Variants in UNC79 observed in about 807,000 individuals in gnomAD.
The protein encoded by UNC79 is unc-79 subunit of NALCN channel complex.
UNC79 carries 37 observed loss-of-function variants against 283.1 expected under a neutral mutation model. The ratio of observed to expected loss-of-function variants is 0.13; its 90% confidence interval spans 0.10 to 0.17. UNC79 has a LOEUF of 0.17. UNC79 is among the 10% of genes least tolerant of loss of function. UNC79 has a pLI of 1.00. For missense variants in UNC79, 2,272 were observed against 3,211.1 expected (o/e 0.71, Z 7.07); for synonymous variants, 1,107 against 1,200.2 (o/e 0.92, Z 1.61).
chr14:93,438,457 T>A (rs552917911), intron 1 of UNC79, among the ~76,000 whole-genome samples: 1 of 152,218 alleles, frequency 6.6e-6, no homozygotes, highest in Admixed American at 6.5e-5. Context: ...CCTGTCTAGA[T>A]CTCTAAAAAA....
In UNC79 at chr14:93,575,051, T is replaced by C. The variant is rs1555358911; in HGVS notation, c.2071-7T>C. 1.3e-6 allele frequency: 2 copies of C among 1,593,966 alleles called. No individual in the cohort carries two copies. The highest frequency in any genetic ancestry group is 1.7e-6 in the Non-Finnish European group (2 of 1,172,092). The stretch of plus-strand genomic sequence containing the variant: ...TTTTTTGGGGGATATATGCCTTTTT[T>C]CCCTAGGTATTATCGGAGTTAGATA... On this transcript the variant is annotated splice_region_variant and splice_polypyrimidine_tract_variant and intron_variant, in intron 16 of 48. Transcript: ENST00000555664.
intron 48 of UNC79, among the ~76,000 whole-genome samples, chr14:93,705,402 T>C (rs2075813668): frequency 7.0e-6 from 1 of 143,306 alleles, no homozygotes; most frequent in Non-Finnish European, 1.5e-5. Flanking sequence ...CCTTGGAGGA[T>C]ACCTAGGCAC....
At position 93,688,903 on chromosome 14, in the gene UNC79, C is replaced by T. The variant is rs1234088486; in HGVS notation, c.7085+63C>T. On this transcript the variant is annotated intron_variant, in intron 44 of 48. Transcript: ENST00000555664. This position sits in a 1 kb window ranked among gnomAD's most constrained non-coding sequence, Gnocchi z 4.0. Reference sequence around the variant, plus strand: ...GGCAGGAGACACCCCTGAGTTTCCTCGGGCTCAGCTAGAGTTAAGGAGTAC... The same window carrying T: ...GGCAGGAGACACCCCTGAGTTTCCTTGGGCTCAGCTAGAGTTAAGGAGTAC... 2.9e-5 allele frequency: 45 copies of T among 1,554,604 alleles called. No homozygotes were observed. The highest frequency in any genetic ancestry group is 2.2e-4 in the Middle Eastern group (1 of 4,624).
chr14:93,575,708 A>G (rs879608582), intron 17 of UNC79, among the ~76,000 whole-genome samples: 9 of 152,204 alleles, frequency 5.9e-5, no homozygotes, highest in Non-Finnish European at 8.8e-5. Context: ...AGTCTGGTCT[A>G]AAGTGTATAC....
intron 45 of UNC79, 72 bp from the exon 49 acceptor site, chr14:93,691,677 T>C (rs955023035): frequency 1.3e-6 from 2 of 1,553,720 alleles, no homozygotes; most frequent in Non-Finnish European, 8.9e-7. Context: ...ACCAAAGCCA[T>C]GCGGGAGGAC....
At chr14:93,463,451 G>T (rs2057035580) in intron 1 of UNC79, among the ~76,000 whole-genome samples, 1 of 152,178 alleles carries the variant, frequency 6.6e-6, no homozygotes, top group African/African-American at 2.4e-5. Flanking sequence ...GGAAAGGCAG[G>T]AGAGAGGTTT....
intron 1 of UNC79, among the ~76,000 whole-genome samples, chr14:93,443,254 A>C (rs1230604671): frequency 6.8e-6 from 1 of 146,524 alleles, no homozygotes; most frequent in Non-Finnish European, 1.5e-5. Flanking sequence ...TAAATAAATA[A>C]ATACCCTTAT....
intron 1 of UNC79, among the ~76,000 whole-genome samples, chr14:93,421,070 C>A (rs1267742176): frequency 6.6e-6 from 1 of 151,172 alleles, no homozygotes; most frequent in Non-Finnish European, 1.5e-5. Context: ...TCAAACCAAA[C>A]CCAAAATTTT....
At chr14:93,340,682 C>G (rs114775603) in intron 1 of UNC79, among the ~76,000 whole-genome samples, 1,928 of 151,922 alleles carry the variant, frequency 0.013, 48 homozygotes, top group African/African-American at 0.044. Flanking sequence ...GATGATTCTC[C>G]CAACTCAGCC....
rs1237559280 is a variant in UNC79 at position 93,653,940 on chromosome 14, A to G, written c.6197A>G (p.Asp2066Gly). 6.2e-7 allele frequency: 1 copy of G among 1,613,978 alleles called. No homozygotes were observed. Among genetic ancestry groups the G allele is most frequent in the Non-Finnish European group, 8.5e-7 (1 of 1,180,000 alleles). ...CTAAATCCGATCGTTGACTTTCCAG[A>G]TGGGACTTTTTTACGGACCTTAGCC... Residue 2066 changes from aspartate to glycine, a missense_variant and splice_region_variant, in exon 37 of 49, where the codon GAT (aspartate) becomes GGT (glycine). Around this residue, in one of 11 missense-constraint regions of UNC79, gnomAD observed 287 missense variants for 446.4 expected, o/e 0.64. Transcript: ENST00000555664.
intron 13 of UNC79, among the ~76,000 whole-genome samples, chr14:93,542,004 CAAAAAAAA>C (rs745650977): frequency 3.3e-5 from 2 of 59,892 alleles, no homozygotes; most frequent in African/African-American, 6.2e-5. Flanking sequence ...GACTCCATCT[CAAAAAAAA>C]AAAAAAAAAA....
intron 2 of UNC79, among the ~76,000 whole-genome samples, chr14:93,468,388 A>G (rs2057328614): frequency 6.6e-6 from 1 of 152,220 alleles, no homozygotes; most frequent in Admixed American, 6.5e-5. Flanking sequence ...AAGAAAACAG[A>G]GCAAAGAAAG....
intron 40 of UNC79, among the ~76,000 whole-genome samples, chr14:93,664,807 G>T (rs1041810239): frequency 1.3e-5 from 2 of 152,064 alleles, no homozygotes; most frequent in African/African-American, 2.4e-5. Flanking sequence ...AATAACCTTG[G>T]AATATCTGGC....
In UNC79 at chr14:93,690,351, T is replaced by C. The variant is rs771158271; in HGVS notation, c.7272+48T>C. On this transcript the variant is annotated intron_variant, in intron 45 of 48. Coordinates refer to ENST00000555664, the Ensembl canonical transcript of UNC79. This position sits in a 1 kb window ranked among gnomAD's most constrained non-coding sequence, Gnocchi z 4.3. ...AGACCGTATGCATCGCAATTGCTAA[T>C]GGAAACCTTATCAGCCAATTATGTT... The C allele has an allele frequency of 6.4e-6, 10 of 1,567,930 alleles. No homozygotes were observed. The East Asian group carries it at 2.3e-4, about 35-fold the overall frequency.
At chr14:93,368,761 T>G (rs1483651601) in intron 1 of UNC79, among the ~76,000 whole-genome samples, 1 of 152,160 alleles carries the variant, frequency 6.6e-6, no homozygotes, top group Non-Finnish European at 1.5e-5. Context: ...CATGAGCCAC[T>G]GTGCCTGGCT....
At chr14:93,692,020 C>T in intron 46 of UNC79, 74 bp downstream of exon 49, 1 of 1,514,730 alleles carries the variant, frequency 6.6e-7, no homozygotes, top group Non-Finnish European at 9.1e-7. Flanking sequence ...CCTCACACTC[C>T]CTGTTTTCAC....
upstream of UNC79, chr14:93,430,299 C>G (rs914182503): frequency 2.0e-5 from 3 of 152,798 alleles, no homozygotes; most frequent in African/African-American, 7.2e-5. The surrounding 1 kb of genome is among the most constrained non-coding windows in gnomAD (Gnocchi z 4.6). Flanking sequence ...CCCCAATCAT[C>G]AGCAGGAGAG....
At chr14:93,358,484 C>A (rs1376808069) in intron 1 of UNC79, among the ~76,000 whole-genome samples, 1 of 152,154 alleles carries the variant, frequency 6.6e-6, no homozygotes, top group African/African-American at 2.4e-5. Flanking sequence ...AAAACAGACA[C>A]AAGCTCTTAT....
intron 1 of UNC79, among the ~76,000 whole-genome samples, chr14:93,388,839 T>A (rs1324539772): frequency 6.6e-6 from 1 of 152,180 alleles, no homozygotes; most frequent in Non-Finnish European, 1.5e-5. Flanking sequence ...GTGGAACAGT[T>A]GGAAGTAATA....
Sources: gnomAD v4.1 joint callset for allele counts (sites outside exome capture counted in the v4.1 genomes callset) on GRCh38, gnomAD v4.1.1 for gene constraint, gnomAD v4.1.1 regional missense constraint, Gnocchi (gnomAD v3.1) non-coding constraint, MANE v1.5 for transcripts, NCBI Gene and HGNC (gene_info 2026-07-23, HGNC 2026-07-21) for gene names.